Variants in SRRM4 observed in about 807,000 individuals in gnomAD.
SRRM4 encodes the protein serine/arginine repetitive matrix protein 4.
Under a neutral mutation model 68.9 loss-of-function variants are expected in SRRM4, and 33 were observed. The observed-to-expected ratio is 0.48, with a 90% CI of 0.36 to 0.64. The LOEUF (loss-of-function observed/expected upper bound fraction) is 0.64. Among genes scored for constraint, SRRM4 ranks in the 30% least tolerant of loss-of-function variants. The pLI is 0.00. For missense variants in SRRM4, 817 were observed against 827.1 expected, an observed-to-expected ratio of 0.99 and a Z score of 0.15; for synonymous variants, 318 against 318.8, an observed-to-expected ratio of 1.00 and a Z score of 0.03.
intron 1 of SRRM4, among the ~76,000 whole-genome samples, chr12:119,034,562 G>T (rs1594036602): frequency 6.6e-6 from 1 of 152,332 alleles, no homozygotes; most frequent in Non-Finnish European, 1.5e-5. Flanking sequence ...GTTTACTGAA[G>T]AATGTTAAAG....
At chr12:119,067,676 C>G (rs1953854437) in intron 1 of SRRM4, among the ~76,000 whole-genome samples, 1 of 151,950 alleles carries the variant, frequency 6.6e-6, no homozygotes, top group Non-Finnish European at 1.5e-5. Context: ...CCACTGCACT[C>G]CAGCCTGGGT....
At chr12:119,086,084 TG>T (rs376626969) in intron 1 of SRRM4, among the ~76,000 whole-genome samples, 5 of 152,296 alleles carry the variant, frequency 3.3e-5, no homozygotes, top group Non-Finnish European at 5.9e-5. Flanking sequence ...ACATCCTTTT[TG>T]TTCCCCAAAG....
intron 1 of SRRM4, among the ~76,000 whole-genome samples, chr12:119,059,193 C>A (rs1192267230): frequency 6.6e-6 from 1 of 152,142 alleles, no homozygotes; most frequent in African/African-American, 2.4e-5. Flanking sequence ...CCTACCCACC[C>A]TGTCCCTTTC....
intron 1 of SRRM4, among the ~76,000 whole-genome samples, chr12:119,020,286 C>T (rs900914552): frequency 2.0e-5 from 3 of 152,102 alleles, no homozygotes; most frequent in African/African-American, 7.2e-5. Context: ...TGTTATTTGT[C>T]CTTGCTATTT....
intron 1 of SRRM4, among the ~76,000 whole-genome samples, chr12:119,024,970 G>A (rs1354219460): frequency 2.6e-5 from 4 of 152,102 alleles, no homozygotes; most frequent in African/African-American, 7.2e-5. Context: ...GAGAGGATAC[G>A]GTGCTGCCCT....
intron 1 of SRRM4, among the ~76,000 whole-genome samples, chr12:119,051,292 C>T (rs898133641): frequency 1.3e-5 from 2 of 152,172 alleles, no homozygotes; most frequent in Admixed American, 6.5e-5. Flanking sequence ...TGACAGCTCA[C>T]ATATTTACAA....
intron 1 of SRRM4, among the ~76,000 whole-genome samples, chr12:119,077,712 G>A (rs573007982): frequency 1.3e-5 from 2 of 152,280 alleles, no homozygotes; most frequent in East Asian, 3.9e-4. Context: ...TGTATTAAGT[G>A]AGAAAATGTC....
intron 1 of SRRM4, among the ~76,000 whole-genome samples, chr12:119,039,676 G>A (rs1267063602): frequency 1.3e-5 from 2 of 152,134 alleles, no homozygotes; most frequent in Admixed American, 1.3e-4. Context: ...AAACCACATG[G>A]CAGATTAATA....
chr12:119,092,662 G>C (rs952014378), intron 1 of SRRM4, among the ~76,000 whole-genome samples: 1 of 151,984 alleles, frequency 6.6e-6, no homozygotes, highest in African/African-American at 2.4e-5. Context: ...CCCAGCCACC[G>C]TCTTCTTCAT....
chr12:119,032,122 C>T (rs1224821423), intron 1 of SRRM4, among the ~76,000 whole-genome samples: 1 of 152,052 alleles, frequency 6.6e-6, no homozygotes, highest in African/African-American at 2.4e-5. Flanking sequence ...ACTCTTCTCA[C>T]CTGAGCAATG....
chr12:119,096,433 T>TG (rs1221356410), intron 1 of SRRM4, among the ~76,000 whole-genome samples: 1 of 152,196 alleles, frequency 6.6e-6, no homozygotes, highest in East Asian at 1.9e-4. Flanking sequence ...ATGGTAATGC[T>TG]GGCTCATGGG....
intron 10 of SRRM4, among the ~76,000 whole-genome samples, chr12:119,152,920 C>T (rs911137353): frequency 1.3e-5 from 2 of 152,196 alleles, no homozygotes; most frequent in African/African-American, 2.4e-5. Flanking sequence ...ACCAAACAGA[C>T]GTGAATTAAA....
At chr12:119,025,393 A>G (rs1170225374) in intron 1 of SRRM4, among the ~76,000 whole-genome samples, 1 of 151,394 alleles carries the variant, frequency 6.6e-6, no homozygotes, top group African/African-American at 2.4e-5. Context: ...GCCTGCTTAG[A>G]TGTGGGTGTC....
At chr12:119,100,960 G>A (rs574050197) in intron 1 of SRRM4, among the ~76,000 whole-genome samples, 8 of 152,270 alleles carry the variant, frequency 5.3e-5, no homozygotes, top group African/African-American at 9.6e-5. Flanking sequence ...CTACCAGCTC[G>A]GCTTCTAAAG....
intron 1 of SRRM4, among the ~76,000 whole-genome samples, chr12:119,019,304 C>G (rs1436143734): frequency 3.3e-5 from 5 of 152,176 alleles, no homozygotes. Flanking sequence ...TAATCAAAGA[C>G]ACGTCAACCA....
intron 1 of SRRM4, among the ~76,000 whole-genome samples, chr12:119,004,295 C>T (rs904899442): frequency 1.3e-5 from 2 of 152,000 alleles, no homozygotes; most frequent in African/African-American, 4.8e-5. Context: ...AGGGTCACAA[C>T]CATTCTGCTC....
chr12:118,991,492 G>T (rs1817659110), intron 1 of SRRM4, among the ~76,000 whole-genome samples: 1 of 152,148 alleles, frequency 6.6e-6, no homozygotes, highest in African/African-American at 2.4e-5. Context: ...GCGATCATTG[G>T]CTAAAGCATA....
intron 1 of SRRM4, among the ~76,000 whole-genome samples, chr12:119,027,441 C>T (rs1447373526): frequency 6.6e-6 from 1 of 152,146 alleles, no homozygotes; most frequent in Non-Finnish European, 1.5e-5. Flanking sequence ...TTCGTGATGT[C>T]AACTCAAGTC....
At chr12:119,010,186 G>A (rs1196168245) in intron 1 of SRRM4, among the ~76,000 whole-genome samples, 8 of 152,170 alleles carry the variant, frequency 5.3e-5, no homozygotes, top group Non-Finnish European at 7.4e-5. Context: ...CTGAGTAGCC[G>A]GGACTACAAG....
Sources: gnomAD v4.1 joint callset for allele counts (sites outside exome capture counted in the v4.1 genomes callset) on GRCh38, gnomAD v4.1.1 for gene constraint, MANE v1.5 for transcripts, NCBI Gene and HGNC (gene_info 2026-07-23, HGNC 2026-07-21) for gene names.